C16orf92: variants seen among roughly 807,000 people sequenced by gnomAD.
C16orf92 encodes the protein fertilization-influencing membrane protein 1, also known as fertilization-influencing membrane protein.
A neutral mutation model predicts 13.7 loss-of-function variants in C16orf92; 14 were observed. The ratio of observed to expected loss-of-function variants is 1.02; its 90% CI spans 0.67 to 1.60. C16orf92 has a LOEUF of 1.60. C16orf92 is among the 40% of genes most tolerant of loss of function. C16orf92 has a pLI of 0.00. For missense variants in C16orf92, 116 were observed against 139.0 expected (o/e 0.83, Z 0.83); for synonymous variants, 50 against 57.4 (o/e 0.87, Z 0.58).
chr16:30,025,147 T>G (rs987765793), downstream of C16orf92: 52 of 1,240,266 alleles, frequency 4.2e-5, no homozygotes, highest in Non-Finnish European at 5.1e-5. The surrounding 1 kb of genome is among the most constrained non-coding windows in gnomAD (Gnocchi z 4.1). Flanking sequence ...TCCACGGGGG[T>G]GGGGGTGGGG....
chr16:30,026,910 C>T, downstream of C16orf92: 1 of 1,375,368 alleles, frequency 7.3e-7, no homozygotes, highest in Admixed American at 1.9e-5. Context: ...GGGGTCAGAT[C>T]TCAGGGGTCA....
downstream of C16orf92, chr16:30,025,495 G>A (rs769351400): frequency 4.4e-6 from 7 of 1,608,596 alleles, no homozygotes; most frequent in South Asian, 4.4e-5. The surrounding 1 kb of genome is among the most constrained non-coding windows in gnomAD (Gnocchi z 4.1). Context: ...CAGTGGCCAC[G>A]GCAGCAGAAG....
chr16:30,025,211 G>A (rs1042496176), downstream of C16orf92: 53 of 1,495,280 alleles, frequency 3.5e-5, no homozygotes, highest in East Asian at 5.0e-5. This position sits in a 1 kb window ranked among gnomAD's most constrained non-coding sequence, Gnocchi z 4.1. Context: ...GGCCGGGGGC[G>A]GCCGGGAGCG....
chr16:30,026,823 T>A, downstream of C16orf92: 1 of 1,613,920 alleles, frequency 6.2e-7, no homozygotes, highest in East Asian at 2.2e-5. Context: ...AAATTGCGTG[T>A]AGGCAGAGGA....
chr16:30,024,456 C>T lies in C16orf92; in HGVS notation c.*229C>T, dbSNP rs1319415211. ...GTTCACGCAGATCGTCTTTTATTAG[C>T]GGTCTGTAAAGCACCTCCCAGGGTC... On this transcript the variant is annotated 3_prime_UTR_variant, in exon 4 of 4. Transcript: ENST00000681219. The T allele has an allele frequency of 9.5e-6, 6 of 630,152 alleles. No homozygotes were observed. Among genetic ancestry groups the T allele is most frequent in the East Asian group, 5.5e-5 (2 of 36,044 alleles). The allele number at this position is 630,152 out of a possible 1,614,324, so 39.0% of individuals were successfully genotyped here.
downstream of C16orf92, chr16:30,026,720 C>T (rs759151826): frequency 2.7e-5 from 44 of 1,613,894 alleles, no homozygotes; most frequent in Middle Eastern, 1.6e-4. Flanking sequence ...GGGCTCTGGC[C>T]GCTCCGTCGT....
downstream of C16orf92, chr16:30,024,861 C>A (rs1404362486): frequency 5.1e-5 from 15 of 296,268 alleles, no homozygotes; most frequent in Non-Finnish European, 8.6e-5. Context: ...GAGGCGTCTC[C>A]CCACATTCTG....
downstream of C16orf92, chr16:30,026,708 C>G (rs146159239): frequency 6.2e-6 from 10 of 1,613,842 alleles, no homozygotes; most frequent in Non-Finnish European, 8.5e-6. Flanking sequence ...ACGTGCTGCC[C>G]GGGGCTCTGG....
In C16orf92 at chr16:30,023,363, T is replaced by TGGTGTG. The variant is rs1487927262; in HGVS notation, c.31_36dup (p.Val11_Trp12dup). ...GTCATGAGGCTGTGGCCATGGGTGC[T>TGGTGTG]GGTGTGGGTGTGGCTGGCTGCACTA... On this transcript the variant is annotated inframe_insertion, in exon 1 of 4. Coordinates refer to ENST00000681219, the MANE Select transcript of C16orf92 (RefSeq NM_001109659.2). The TGGTGTG allele has an allele frequency of 1.2e-6, 2 of 1,609,490 alleles. No individual in the cohort carries two copies. The highest frequency in any genetic ancestry group is 2.7e-5 in the African/African-American group (2 of 74,870).
At chr16:30,023,646 G>T in intron 1 of C16orf92, 81 bp from the exon 2 acceptor site, 1 of 1,611,970 alleles carries the variant, frequency 6.2e-7, no homozygotes, top group South Asian at 1.1e-5. Context: ...TGGTCTCACA[G>T]GGTCCCAAGT....
downstream of C16orf92, among the ~76,000 whole-genome samples, chr16:30,026,349 C>T (rs2071132213): frequency 6.6e-6 from 1 of 152,154 alleles, no homozygotes; most frequent in Admixed American, 6.5e-5. Context: ...GGTGAGGAAA[C>T]TGAGGCTCAG....
downstream of C16orf92, chr16:30,025,529 C>T (rs972698985): frequency 1.3e-6 from 2 of 1,590,446 alleles, no homozygotes; most frequent in African/African-American, 2.7e-5. This position sits in a 1 kb window ranked among gnomAD's most constrained non-coding sequence, Gnocchi z 4.1. Flanking sequence ...TTGGCCCTCT[C>T]CCTGCCTCCC....
At chr16:30,026,861 G>A (rs771650426), downstream of C16orf92, 13 of 1,607,770 alleles carry the variant, frequency 8.1e-6, no homozygotes, top group South Asian at 4.4e-5. Context: ...GCAGAGAGAC[G>A]GGGTGGGGGA....
chr16:30,027,110 A>T (rs541602425), downstream of C16orf92: 21 of 577,086 alleles, frequency 3.6e-5, no homozygotes, highest in Non-Finnish European at 6.6e-5. Context: ...AAAAGAAAAG[A>T]CCAGAAGATG....
chr16:30,023,371 G>T lies in C16orf92; in HGVS notation c.31G>T (p.Val11Leu), dbSNP rs2070943279. ...GCTGTGGCCATGGGTGCTGGTGTGGGTGTGGCTGGCTGCACTAGGGGCCAT... is the reference window on the plus strand; with the variant it reads ...GCTGTGGCCATGGGTGCTGGTGTGGTTGTGGCTGGCTGCACTAGGGGCCAT... MRLWPWVLVW[V>L]WLAALGAIET... Residue 11 changes from valine (V) to leucine (L), a missense_variant, in exon 1 of 4, where the codon GTG becomes TTG. By Grantham distance (32) the Val-to-Leu change is conservative. Transcript: ENST00000681219. 1.2e-6 allele frequency: 2 copies of T among 1,610,410 alleles called. No individual in the cohort carries two copies. The highest frequency in any genetic ancestry group is 1.7e-6 in the Non-Finnish European group (2 of 1,178,800).
Position 30,024,080 on chromosome 16 carries a change from C to A in C16orf92, c.305C>A (p.Thr102Asn). 1 of 1,613,072 alleles carries A rather than the reference C, an allele frequency of 6.2e-7. No homozygotes were observed. Among genetic ancestry groups the A allele is most frequent in the Admixed American group, 1.7e-5 (1 of 60,006 alleles). ...AFFFLLFQFCTHINFQKGA is the reference protein window; with the variant it reads ...AFFFLLFQFCNHINFQKGA ...TTCTTTCTCCTTTTCCAGTTCTGCA[C>A]CCACATGTAAGGCCTGCCCCCTTTC... is the stretch of plus-strand genomic sequence containing the variant. The change falls in exon 3 of 4, where the codon ACC (threonine) becomes AAC (asparagine). Residue 102 changes from threonine (T) to asparagine (N), a missense_variant. Coordinates refer to ENST00000681219, the MANE Select transcript of C16orf92 (RefSeq NM_001109659.2).
downstream of C16orf92, chr16:30,027,294 G>A (rs1045921688): frequency 2.5e-5 from 10 of 403,826 alleles, no homozygotes; most frequent in Non-Finnish European, 4.5e-5. Context: ...CCTGCCTCCT[G>A]GGACAGGCGA....
downstream of C16orf92, chr16:30,025,159 G>A: frequency 7.2e-7 from 1 of 1,388,974 alleles, no homozygotes; most frequent in South Asian, 1.5e-5. This position sits in a 1 kb window ranked among gnomAD's most constrained non-coding sequence, Gnocchi z 4.1. Context: ...GGGGTGGGGA[G>A]GGGGAGGGTC....
intron 1 of C16orf92, 130 bp downstream of exon 1, chr16:30,023,534 C>T (rs1268501214): frequency 1.5e-6 from 2 of 1,371,868 alleles, no homozygotes; most frequent in Non-Finnish European, 2.0e-6. Flanking sequence ...TCCCATCCTG[C>T]TGGTCCCACC....
Sources: gnomAD v4.1 joint callset for allele counts (sites outside exome capture counted in the v4.1 genomes callset) on GRCh38, gnomAD v4.1.1 for gene constraint, Gnocchi (gnomAD v3.1) non-coding constraint, MANE v1.5 for transcripts, NCBI Gene and HGNC (gene_info 2026-07-23, HGNC 2026-07-21) for gene names.